The following DPYD variants were observed in gnomAD, a reference collection of about 807,000 sequenced individuals.
DPYD encodes the protein dihydropyrimidine dehydrogenase.
Under a neutral mutation model 116.2 loss-of-function variants are expected in DPYD, and 109 were observed. The ratio of observed to expected loss-of-function variants is 0.94; its 90% CI spans 0.80 to 1.10. The LOEUF is 1.10. Ranked by LOEUF, DPYD falls within the 50% of genes least tolerant of loss-of-function variation. The pLI is 0.00. For synonymous variants in DPYD, 440 were observed against 432.0 expected, an observed-to-expected ratio of 1.02 and a Z score of -0.23; for missense variants, 1,302 against 1,254.5, an observed-to-expected ratio of 1.04 and a Z score of -0.57.
At chr1:97,911,061 T>C (rs916017973) in intron 1 of DPYD, among the ~76,000 whole-genome samples, 5 of 152,130 alleles carry the variant, frequency 3.3e-5, no homozygotes, top group African/African-American at 1.2e-4. Flanking sequence ...AAGTTTCACC[T>C]AATTGTTTAT....
intron 20 of DPYD, among the ~76,000 whole-genome samples, chr1:97,103,824 A>G (rs1295352454): frequency 6.6e-6 from 1 of 152,150 alleles, no homozygotes; most frequent in Non-Finnish European, 1.5e-5. Flanking sequence ...TAAGCATTAA[A>G]TGGAATAATA....
chr1:97,731,787 C>T (rs1410545160), intron 4 of DPYD, among the ~76,000 whole-genome samples: 1 of 151,718 alleles, frequency 6.6e-6, no homozygotes, highest in African/African-American at 2.4e-5. Context: ...AAATAGTATC[C>T]TATGTGTTTC....
At chr1:97,212,022 T>A (rs2101872711) in intron 19 of DPYD, among the ~76,000 whole-genome samples, 1 of 152,282 alleles carries the variant, frequency 6.6e-6, no homozygotes, top group East Asian at 1.9e-4. Context: ...ATTACACATA[T>A]TATTTAAGCT....
At chr1:97,358,978 A>T (rs1670565875) in intron 16 of DPYD, among the ~76,000 whole-genome samples, 1 of 152,206 alleles carries the variant, frequency 6.6e-6, no homozygotes, top group Non-Finnish European at 1.5e-5. Flanking sequence ...AGTTGACAGA[A>T]GTAGGCTTCA....
chr1:97,285,276 C>T (rs536951869), intron 18 of DPYD, among the ~76,000 whole-genome samples: 8 of 152,180 alleles, frequency 5.3e-5, no homozygotes, highest in Admixed American at 6.5e-5. Flanking sequence ...CCAACAACTG[C>T]TTGCTCGCAG....
At chr1:97,229,754 C>T (rs984378123) in intron 19 of DPYD, among the ~76,000 whole-genome samples, 1 of 151,724 alleles carries the variant, frequency 6.6e-6, no homozygotes, top group East Asian at 1.9e-4. Flanking sequence ...TATTTTTTAG[C>T]TGAAATTGTC....
At chr1:97,346,195 C>A (rs1489023689) in intron 16 of DPYD, among the ~76,000 whole-genome samples, 1 of 151,652 alleles carries the variant, frequency 6.6e-6, no homozygotes, top group African/African-American at 2.4e-5. Context: ...TTATGTTTTC[C>A]ATATAGCCAT....
intron 3 of DPYD, among the ~76,000 whole-genome samples, chr1:97,753,323 A>G (rs1489402084): frequency 6.6e-6 from 1 of 152,210 alleles, no homozygotes; most frequent in African/African-American, 2.4e-5. Context: ...AGAAGTTAAT[A>G]AAGATCTCCT....
intron 16 of DPYD, among the ~76,000 whole-genome samples, chr1:97,362,672 T>C (rs1557658315): frequency 6.6e-6 from 1 of 152,142 alleles, no homozygotes; most frequent in Non-Finnish European, 1.5e-5. Flanking sequence ...ATCTGATCTT[T>C]GACAAACCTG....
At position 97,394,538 on chromosome 1, in the gene DPYD, T is replaced by C. The variant is rs1236031190; in HGVS notation, c.1906-12077A>G. ...CACCTGAAAGCACTTAACAATAATATCAAAGATCACTAATCACAGATCACC... is the reference window on the plus strand; with the variant it reads ...CACCTGAAAGCACTTAACAATAATACCAAAGATCACTAATCACAGATCACC... On this transcript the variant is annotated intron_variant, in intron 14 of 22. Transcript: ENST00000370192. The C allele has an allele frequency of 3.6e-4, 54 of 151,974 alleles. 1 individual carries two copies. Among genetic ancestry groups the C allele is most frequent in the Admixed American group, 3.5e-3 (54 of 15,236 alleles). 9.4% of individuals were successfully genotyped at this position (151,974 alleles called of 1,614,324 possible). A position where few individuals can be genotyped will look rare whatever the true frequency, so the allele number is the denominator to read the frequency against.
Position 97,724,299 on chromosome 1 carries a change from GGGGGGGGGGTGTGTGTGTGTGTGTGTGT to G in DPYD, c.322-2656_322-2629del, listed in dbSNP as rs1457357489. Among the ~76,000 whole-genome samples the G allele has an allele frequency of 5.0e-3, 77 of 15,376 alleles. 1 individual carries two copies. Among genetic ancestry groups the G allele is most frequent in the Non-Finnish European group, 6.8e-3 (48 of 7,056 alleles). The allele number at this position is 15,376 out of a possible 152,430, so 10.1% of individuals were successfully genotyped here. Reference sequence around the variant, plus strand: ...AGAAAGAATAGGATGTATGTGGGGGGGGGGGGGGGTGTGTGTGTGTGTGTGTGTGTGTGTGTGTGTGTGTGTGTGTGTG... The same window carrying G: ...AGAAAGAATAGGATGTATGTGGGGGGGTGTGTGTGTGTGTGTGTGTGTGTG... On this transcript the variant is annotated intron_variant, in intron 4 of 22. Coordinates refer to ENST00000370192, the MANE Select transcript of DPYD (RefSeq NM_000110.4).
intron 20 of DPYD, among the ~76,000 whole-genome samples, chr1:97,114,137 A>G (rs1651796646): frequency 1.3e-5 from 2 of 152,090 alleles, no homozygotes; most frequent in African/African-American, 4.8e-5. Flanking sequence ...CAAAGAATAA[A>G]CCTTGTTCTA....
intron 3 of DPYD, among the ~76,000 whole-genome samples, chr1:97,816,793 A>C (rs1668632409): frequency 6.6e-6 from 1 of 152,180 alleles, no homozygotes; most frequent in South Asian, 2.1e-4. Context: ...CACACTAATT[A>C]CTTGAAAGAG....
chr1:97,630,473 A>G (rs1026372238), intron 8 of DPYD, among the ~76,000 whole-genome samples: 1 of 151,952 alleles, frequency 6.6e-6, no homozygotes, highest in Non-Finnish European at 1.5e-5. Context: ...CCTTCCTCTG[A>G]GCACTCTGCC....
intron 14 of DPYD, among the ~76,000 whole-genome samples, chr1:97,392,805 CATT>C (rs1242081336): frequency 6.6e-6 from 1 of 152,020 alleles, no homozygotes; most frequent in East Asian, 1.9e-4. Context: ...CTCCACTTCT[CATT>C]ATTGTTCTCT....
chr1:97,160,757 C>CTGTA (rs1347583709), intron 20 of DPYD, among the ~76,000 whole-genome samples: 1 of 152,126 alleles, frequency 6.6e-6, no homozygotes, highest in Non-Finnish European at 1.5e-5. Flanking sequence ...CCACAAGAGA[C>CTGTA]TGTACTATGA....
At chr1:97,360,331 C>T (rs1232127000) in intron 16 of DPYD, among the ~76,000 whole-genome samples, 4 of 152,132 alleles carry the variant, frequency 2.6e-5, no homozygotes, top group Non-Finnish European at 5.9e-5. Flanking sequence ...AACTTAGACT[C>T]CCACACAATA....
At chr1:97,214,186 A>G (rs1660223467) in intron 19 of DPYD, among the ~76,000 whole-genome samples, 1 of 152,118 alleles carries the variant, frequency 6.6e-6, no homozygotes, top group Non-Finnish European at 1.5e-5. Context: ...TTTACTTGAG[A>G]CCATCCAACT....
At chr1:97,129,238 T>C (rs1361160659) in intron 20 of DPYD, among the ~76,000 whole-genome samples, 1 of 152,002 alleles carries the variant, frequency 6.6e-6, no homozygotes, top group African/African-American at 2.4e-5. Flanking sequence ...TAATTTTTTG[T>C]ATTTTTTAGT....
Sources: allele counts gnomAD v4.1 joint callset (sites outside exome capture counted in the v4.1 genomes callset), GRCh38; gene constraint gnomAD v4.1.1; transcripts MANE v1.5; gene names NCBI Gene and HGNC (gene_info 2026-07-23, HGNC 2026-07-21).